Variants in ITGA3 observed in about 807,000 individuals in gnomAD.
ITGA3 encodes integrin subunit alpha 3.
A neutral mutation model predicts 131.1 loss-of-function variants in ITGA3; 70 were observed. The observed-to-expected ratio is 0.53, with a 90% CI of 0.44 to 0.65. ITGA3 has a LOEUF of 0.65. Ranked by LOEUF, ITGA3 falls within the 30% of genes least tolerant of loss-of-function variation. ITGA3 has a pLI of 0.00. For synonymous variants in ITGA3, 537 were observed against 571.6 expected, an observed-to-expected ratio of 0.94 and a Z score of 0.86; for missense variants, 1,098 against 1,388.6, an observed-to-expected ratio of 0.79 and a Z score of 3.33.
chr17:50,072,031 A>G lies in ITGA3; in HGVS notation c.1005A>G (p.Lys335=), dbSNP rs2144282751. ...LVGAPYYFER[K]EEVGGAIYVF... ...GCGCCCCCTACTACTTCGAGAGGAA[A>G]GAGGAAGTAGGGGGTGCCATCTATG... The change falls in exon 7 of 26, where the codon AAA becomes AAG. Residue 335 remains lysine (K), a synonymous_variant. Coordinates refer to ENST00000320031, the MANE Select transcript of ITGA3 (RefSeq NM_002204.4). 1 of 1,613,964 alleles carries G rather than the reference A, an allele frequency of 6.2e-7. No individual in the cohort carries two copies.
chr17:50,080,461 TGGG>T, intron 22 of ITGA3, 86 bp downstream of exon 22: 1 of 573,090 alleles, frequency 1.7e-6, no homozygotes, highest in Non-Finnish European at 3.1e-6. Flanking sequence ...GGTCATAGCA[TGGG>T]TGTGTGTGTG....
At chr17:50,060,427 G>A (rs192179242) in intron 1 of ITGA3, among the ~76,000 whole-genome samples, 1 of 152,368 alleles carries the variant, frequency 6.6e-6, no homozygotes, top group East Asian at 1.9e-4. Flanking sequence ...CCTGGGTACT[G>A]TGCCGCGCCC....
intron 23 of ITGA3, chr17:50,087,488 T>G: frequency 2.3e-6 from 1 of 426,830 alleles, no homozygotes; most frequent in Non-Finnish European, 4.2e-6. Flanking sequence ...CCCAGATGTG[T>G]GGGTCACACA....
chr17:50,087,725 C>G lies in ITGA3; in HGVS notation c.2920-19C>G, dbSNP rs1377277487. 6.2e-7 allele frequency: 1 copy of G among 1,606,496 alleles called. No individual in the cohort carries two copies. Among genetic ancestry groups the G allele is most frequent in the Non-Finnish European group, 8.5e-7 (1 of 1,175,218 alleles). On this transcript the variant is annotated intron_variant, in intron 23 of 25. Coordinates refer to ENST00000320031, the MANE Select transcript of ITGA3 (RefSeq NM_002204.4). The stretch of plus-strand genomic sequence containing the variant: ...TAAGCAGGCTGACACAGGGCTGAGT[C>G]CTCCTCTCCCCGCTCCAGTTCTCTG...
Position 50,080,463 on chromosome 17 carries a change from G to GGTGTGTGTGT in ITGA3, c.2820+122_2820+131dup, listed in dbSNP as rs113441627. The GGTGTGTGTGT allele has an allele frequency of 1.3e-3, 660 of 506,244 alleles. 6 individuals are homozygous for GGTGTGTGTGT. In the African/African-American group the frequency reaches 0.015, roughly 11 times the overall value. The allele number at this position is 506,244 out of a possible 1,614,324, so 31.4% of individuals were successfully genotyped here. A position where few individuals can be genotyped will look rare whatever the true frequency, so the allele number is the denominator to read the frequency against. On this transcript the variant is annotated intron_variant, in intron 22 of 25. Transcript: ENST00000320031. ...AGGGCGAGTCCAGGGTCATAGCATG[G>GGTGTGTGTGT]GTGTGTGTGTGTGTGTGTGTGTGTG...
chr17:50,070,644 C>CAAA (rs59600840), intron 4 of ITGA3, among the ~76,000 whole-genome samples, 200 bp from the exon 5 acceptor site: 719 of 68,656 alleles, frequency 0.01, 18 homozygotes, highest in Middle Eastern at 0.031. Context: ...AAGACTGTCT[C>CAAA]AAAAAAAAAA....
In ITGA3 at chr17:50,068,542, C is replaced by T. The variant is rs148563640; in HGVS notation, c.664+237C>T. Among the ~76,000 whole-genome samples, 2,013 of 152,228 alleles carry T rather than the reference C, an allele frequency of 0.013. 20 individuals are homozygous for T. The highest frequency in any genetic ancestry group is 0.027 in the Middle Eastern group (8 of 294). ...TTGACATAGGGTCTCACTATGTCAC[C>T]CAGGCTGGAGTGCAGTGGCACATTC... On this transcript the variant is annotated intron_variant, in intron 4 of 25. Transcript: ENST00000320031.
In ITGA3 at chr17:50,068,021, C is replaced by G. The variant is rs978968835; in HGVS notation, c.415-35C>G. 4 of 1,611,520 alleles carry G rather than the reference C, an allele frequency of 2.5e-6. No homozygotes were observed. The Admixed American group carries it at 5.0e-5, about 20-fold the overall frequency. ...AGACAGCTGACCCGGGTCCCTGTGC[C>G]TGACTAAGGCTGCCTGTGTTTGGGG... On this transcript the variant is annotated intron_variant, in intron 3 of 25. Transcript: ENST00000320031.
rs763950453 is a variant in ITGA3 at position 50,071,582 on chromosome 17, G to A, written c.959+64G>A. ...GATGGGCGGGGGAAGGCTTACCTAAGCCAGGTGAGGGGAGTGGAGGATTTG... is the reference window on the plus strand; with the variant it reads ...GATGGGCGGGGGAAGGCTTACCTAAACCAGGTGAGGGGAGTGGAGGATTTG... On this transcript the variant is annotated intron_variant, in intron 6 of 25. Coordinates refer to ENST00000320031, the MANE Select transcript of ITGA3 (RefSeq NM_002204.4). The A allele has an allele frequency of 3.5e-4, 495 of 1,413,386 alleles. 2 individuals carry two copies. Among genetic ancestry groups the A allele is most frequent in the Admixed American group, 3.4e-4 (17 of 50,202 alleles). 87.6% of individuals were successfully genotyped at this position (1,413,386 alleles called of 1,614,324 possible).
chr17:50,076,300 G>A (rs1191230100), intron 12 of ITGA3, 26 bp from the exon 13 acceptor site: 3 of 1,608,348 alleles, frequency 1.9e-6, no homozygotes, highest in Non-Finnish European at 2.5e-6. Context: ...GTGCAGGGCC[G>A]GGCTCAGCTC....
chr17:50,070,796 C>T (rs934374521), intron 4 of ITGA3, 48 bp from the exon 5 acceptor site: 11 of 1,285,898 alleles, frequency 8.6e-6, no homozygotes, highest in African/African-American at 2.9e-5. Flanking sequence ...AACCAGAAAC[C>T]GGTGGTGACT....
Position 50,071,361 on chromosome 17 carries a change from A to G in ITGA3, c.802A>G (p.Ile268Val). 3.1e-6 allele frequency: 5 copies of G among 1,614,156 alleles called. No individual in the cohort carries two copies. Among genetic ancestry groups the G allele is most frequent in the Non-Finnish European group, 4.2e-6 (5 of 1,180,038 alleles). The change falls in exon 6 of 26, where the codon ATT becomes GTT. Residue 268 changes from isoleucine to valine, a missense_variant. Around this residue, in one of 3 missense-constraint regions of ITGA3, gnomAD observed 356 missense variants for 529.2 expected, o/e 0.67. Transcript: ENST00000320031. ...SFILHPKNIT[I>V]VTGAPRHRHM... Reference sequence around the variant, plus strand: ...CATCCTGCACCCCAAAAACATCACCATTGTGACAGGTGCCCCACGGCACCG... The same window carrying G: ...CATCCTGCACCCCAAAAACATCACCGTTGTGACAGGTGCCCCACGGCACCG...
Position 50,076,987 on chromosome 17 carries a change from A to C in ITGA3, c.1936A>C (p.Arg646=). The change falls in exon 15 of 26, where the codon AGA becomes CGA. Residue 646 remains arginine, a synonymous_variant. Transcript: ENST00000320031. The part of the protein sequence containing the change: ...QQKLSRLQYS[R]DVRKLLLSIN... Reference sequence around the variant, plus strand: ...TCCTGCTCTCAGGCTCCAGTACAGCAGAGACGTCCGGAAATTGCTCCTGAG... The same window carrying C: ...TCCTGCTCTCAGGCTCCAGTACAGCCGAGACGTCCGGAAATTGCTCCTGAG... The C allele has an allele frequency of 6.8e-6, 11 of 1,610,270 alleles. No homozygotes were observed. The highest frequency in any genetic ancestry group is 1.1e-5 in the South Asian group (1 of 90,814).
At chr17:50,076,276 TGGGGCAGGGA>T (rs767152955) in intron 12 of ITGA3, 40 bp from the exon 13 acceptor site, 1 of 1,581,864 alleles carries the variant, frequency 6.3e-7, no homozygotes, top group South Asian at 1.1e-5. Context: ...AGGATTCAGC[TGGGGCAGGGA>T]GCAGTGCAGG....
Position 50,070,915 on chromosome 17 carries a change from G to A in ITGA3, c.736G>A (p.Gly246Arg), listed in dbSNP as rs1908595571. 1 of 1,604,298 alleles carries A rather than the reference G, an allele frequency of 6.2e-7. No homozygotes were observed. The stretch of plus-strand genomic sequence containing the variant: ...TAGTTACAAGGACCCAGAGGACCAA[G>A]GAAACCTCTATATTGGTGAGTACAG... ...EYSYKDPEDQ[G>R]NLYIGYTMQV... Residue 246 changes from glycine to arginine, a missense_variant, in exon 5 of 26, where the codon GGA (glycine) becomes AGA (arginine). Gly to Arg is a moderately radical substitution (Grantham distance 125, BLOSUM62 -2). Transcript: ENST00000320031.
chr17:50,081,425 A>C lies in ITGA3; in HGVS notation c.2919+17A>C, dbSNP rs914998926. On this transcript the variant is annotated intron_variant, in intron 23 of 25. Transcript: ENST00000320031. ...ACCACGTGGGTGAGTGCGCATGTTC[A>C]CTAGGACAGCAGTCTCCAGCCAGAG... is the stretch of plus-strand genomic sequence containing the variant. 6.5e-7 allele frequency: 1 copy of C among 1,537,046 alleles called. No individual in the cohort carries two copies.
At chr17:50,071,807 T>C in intron 6 of ITGA3, 179 bp from the exon 7 acceptor site, 1 of 630,140 alleles carries the variant, frequency 1.6e-6, no homozygotes, top group Non-Finnish European at 2.8e-6. Flanking sequence ...TTCTATTTGG[T>C]GGGTCATATT....
chr17:50,089,289 C>A lies in ITGA3; in HGVS notation c.*211C>A. On this transcript the variant is annotated 3_prime_UTR_variant, in exon 26 of 26. Coordinates refer to ENST00000320031, the MANE Select transcript of ITGA3 (RefSeq NM_002204.4). Reference sequence around the variant, plus strand: ...GACGTCCTCCCTGATCCCACCCCCTCCTCCCCCAGTGTCCCCTTTCTTCCT... The same window carrying A: ...GACGTCCTCCCTGATCCCACCCCCTACTCCCCCAGTGTCCCCTTTCTTCCT... 2 of 1,599,862 alleles carry A rather than the reference C, an allele frequency of 1.3e-6. No individual in the cohort carries two copies. The highest frequency in any genetic ancestry group is 1.7e-6 in the Non-Finnish European group (2 of 1,169,606).
Position 50,064,796 on chromosome 17 carries a change from T to C in ITGA3, c.414+189T>C. 1 of 557,724 alleles carries C rather than the reference T, an allele frequency of 1.8e-6. No homozygotes were observed. The highest frequency in any genetic ancestry group is 3.1e-5 in the East Asian group (1 of 32,062). 34.5% of individuals were successfully genotyped at this position (557,724 alleles called of 1,614,324 possible). A position where few individuals can be genotyped will look rare whatever the true frequency, so the allele number is the denominator to read the frequency against. On this transcript the variant is annotated intron_variant, in intron 3 of 25. Coordinates refer to ENST00000320031, the MANE Select transcript of ITGA3 (RefSeq NM_002204.4). The surrounding 1 kb of genome is among the most constrained non-coding windows in gnomAD (Gnocchi z 4.4). ...TCCTGGGGAGGGGGTGAGTATCCTG[T>C]GCTCTCCCAAACCCCCGCACGGCCT... is the stretch of plus-strand genomic sequence containing the variant.
Sources: gnomAD v4.1 joint callset for allele counts (sites outside exome capture counted in the v4.1 genomes callset) on GRCh38, gnomAD v4.1.1 for gene constraint, gnomAD v4.1.1 regional missense constraint, Gnocchi (gnomAD v3.1) non-coding constraint, MANE v1.5 for transcripts, NCBI Gene and HGNC (gene_info 2026-07-23, HGNC 2026-07-21) for gene names.